Variants in HTR3A observed in about 807,000 individuals in gnomAD.
HTR3A encodes the protein 5-hydroxytryptamine (serotonin) receptor 3A, ionotropic.
HTR3A carries 45 observed loss-of-function variants against 54.8 expected under a neutral mutation model. The ratio of observed to expected loss-of-function variants is 0.82; its 90% CI spans 0.65 to 1.05. The LOEUF (loss-of-function observed/expected upper bound fraction) is 1.05. HTR3A is among the 50% of genes least tolerant of loss of function. The pLI, the probability that HTR3A is intolerant of heterozygous loss-of-function variation, is 0.00. For synonymous variants in HTR3A, 297 were observed against 256.0 expected (o/e 1.16, Z -1.53); for missense variants, 657 against 614.0 (o/e 1.07, Z -0.74).
In HTR3A at chr11:113,989,945, C is replaced by A; in HGVS notation, c.*182C>A. On this transcript the variant is annotated 3_prime_UTR_variant, in exon 9 of 9. Transcript: ENST00000504030. The surrounding 1 kb of genome is among the most constrained non-coding windows in gnomAD (Gnocchi z 4.4). ...TCACAAGCCAAGGTCTGAACCCTTC[C>A]ACCAAAAACTGGGTGTTCAAGGCCC... 1.3e-6 allele frequency: 1 copy of A among 770,568 alleles called. No homozygotes were observed. The highest frequency in any genetic ancestry group is 2.2e-6 in the Non-Finnish European group (1 of 450,042). The allele number at this position is 770,568 out of a possible 1,614,324, so 47.7% of individuals were successfully genotyped here. A position where few individuals can be genotyped will look rare whatever the true frequency, so the allele number is the denominator to read the frequency against.
intron 1 of HTR3A, among the ~76,000 whole-genome samples, chr11:113,975,951 C>T (rs567849304): frequency 3.5e-4 from 53 of 152,298 alleles, no homozygotes; most frequent in South Asian, 1.0e-3. Context: ...CAGGACTAAA[C>T]TCCAGTAACG....
Position 113,981,169 on chromosome 11 carries a change from G to A in HTR3A, c.265-34G>A, listed in dbSNP as rs536095755. ...AGGCGACCCTCACTGGAGATGGAGG[G>A]GGCTGCCTGTGACCATCCCTGCTCC... On this transcript the variant is annotated intron_variant, in intron 3 of 8. Coordinates refer to ENST00000504030, the MANE Select transcript of HTR3A (RefSeq NM_000869.6). 79 of 1,343,616 alleles carry A rather than the reference G, an allele frequency of 5.9e-5. 1 individual carries two copies. In the South Asian group the frequency reaches 8.7e-4, roughly 15 times the overall value. The allele number at this position is 1,343,616 out of a possible 1,614,324, so 83.2% of individuals were successfully genotyped here.
At position 113,981,332 on chromosome 11, in the gene HTR3A, G is replaced by T. The variant is rs752208391; in HGVS notation, c.374+20G>T. ...TGAGTTGTGAGTACCGTTATCCATT[G>T]TGAGGTGGCTGGGTGGCTTAGGAGC... is the stretch of plus-strand genomic sequence containing the variant. On this transcript the variant is annotated intron_variant, in intron 4 of 8. Coordinates refer to ENST00000504030, the MANE Select transcript of HTR3A (RefSeq NM_000869.6). 4.7e-6 allele frequency: 7 copies of T among 1,504,368 alleles called. No individual in the cohort carries two copies. The Middle Eastern group carries it at 5.1e-4, about 110-fold the overall frequency. 93.2% of individuals were successfully genotyped at this position (1,504,368 alleles called of 1,614,324 possible).
In HTR3A at chr11:113,990,080, C is replaced by A. The variant is rs1347238784; in HGVS notation, c.*317C>A. 1.8e-6 allele frequency: 1 copy of A among 546,678 alleles called. No homozygotes were observed. The highest frequency in any genetic ancestry group is 4.6e-5 in the East Asian group (1 of 21,942). The allele number at this position is 546,678 out of a possible 1,614,324, so 33.9% of individuals were successfully genotyped here. ...GTCCACTCTAGTTGTGGACTTTTCCCCATTGACCCTCACCTGAATAAGGGA... is the reference window on the plus strand; with the variant it reads ...GTCCACTCTAGTTGTGGACTTTTCCACATTGACCCTCACCTGAATAAGGGA... On this transcript the variant is annotated 3_prime_UTR_variant, in exon 9 of 9. Transcript: ENST00000504030.
At chr11:113,977,439 C>A in intron 1 of HTR3A, 2 of 1,064,564 alleles carry the variant, frequency 1.9e-6, no homozygotes, top group Non-Finnish European at 2.7e-6. Context: ...CAGAGGCCCT[C>A]GCTTAGGCCC....
intron 6 of HTR3A, 35 bp from the exon 7 acceptor site, chr11:113,986,483 C>T (rs748434197): frequency 3.7e-6 from 6 of 1,607,704 alleles, no homozygotes; most frequent in Non-Finnish European, 4.2e-6. Flanking sequence ...AGCCTGTTTG[C>T]CCCAGGCTTC....
chr11:113,985,193 A>G (rs1033548881), intron 5 of HTR3A, among the ~76,000 whole-genome samples: 4 of 152,186 alleles, frequency 2.6e-5, no homozygotes, highest in Admixed American at 6.5e-5. Flanking sequence ...TGGAAACTAC[A>G]TGGAAATTGC....
chr11:113,984,153 AC>A (rs1454060656), intron 5 of HTR3A, among the ~76,000 whole-genome samples: 2 of 151,666 alleles, frequency 1.3e-5, no homozygotes, highest in Non-Finnish European at 1.5e-5. Context: ...AGCCTGGCCA[AC>A]CCCTCTACTC....
rs750584586 is a variant in HTR3A at position 113,979,219 on chromosome 11, C to T, written c.220-14C>T. The T allele has an allele frequency of 6.2e-7, 1 of 1,612,410 alleles. No homozygotes were observed. The highest frequency in any genetic ancestry group is 8.5e-7 in the Non-Finnish European group (1 of 1,178,776). ...CCACAGGGTTACTTGTTCAAGCTCCCTTTCCTTTCCCAGGATGAGAAGAAT... is the reference window on the plus strand; with the variant it reads ...CCACAGGGTTACTTGTTCAAGCTCCTTTTCCTTTCCCAGGATGAGAAGAAT... On this transcript the variant is annotated splice_polypyrimidine_tract_variant and intron_variant, in intron 2 of 8. Coordinates refer to ENST00000504030, the MANE Select transcript of HTR3A (RefSeq NM_000869.6).
At chr11:113,986,450 T>C (rs1470981911) in intron 6 of HTR3A, 68 bp from the exon 7 acceptor site, 1 of 1,553,490 alleles carries the variant, frequency 6.4e-7, no homozygotes, top group Non-Finnish European at 8.8e-7. Flanking sequence ...AATCTGAGCT[T>C]GTGGGGTGGT....
intron 1 of HTR3A, among the ~76,000 whole-genome samples, chr11:113,976,972 G>A (rs1244413098): frequency 6.6e-6 from 1 of 152,006 alleles, no homozygotes; most frequent in Non-Finnish European, 1.5e-5. Flanking sequence ...ACAGCACCAG[G>A]GTCCAGGAGC....
rs189440773 is a variant in HTR3A at position 113,982,511 on chromosome 11, A to G, written c.375-609A>G. 2.0e-5 allele frequency among the ~76,000 whole-genome samples: 3 copies of G among 152,160 alleles called. No homozygotes were observed. The East Asian group carries it at 5.8e-4, about 29-fold the overall frequency. Reference sequence around the variant, plus strand: ...TCACAGAAGGCTGAGGGCTCAGCCTACTCCATGCCACAGTGGTCACTCAAG... The same window carrying G: ...TCACAGAAGGCTGAGGGCTCAGCCTGCTCCATGCCACAGTGGTCACTCAAG... On this transcript the variant is annotated intron_variant, in intron 4 of 8. Transcript: ENST00000504030.
At chr11:113,978,447 G>C (rs1381039391) in intron 2 of HTR3A, among the ~76,000 whole-genome samples, 1 of 152,140 alleles carries the variant, frequency 6.6e-6, no homozygotes, top group East Asian at 1.9e-4. Context: ...CTCTGTGTTG[G>C]GGTCAGGTAA....
At chr11:113,988,934 A>G (rs1467709441) in intron 8 of HTR3A, among the ~76,000 whole-genome samples, 1 of 152,266 alleles carries the variant, frequency 6.6e-6, no homozygotes, top group African/African-American at 2.4e-5. Flanking sequence ...CGTGATATTA[A>G]TGATCTGGAA....
chr11:113,989,237 C>T lies in HTR3A; in HGVS notation c.1139-228C>T, dbSNP rs1344345561. Among the ~76,000 whole-genome samples the T allele has an allele frequency of 6.6e-6, 1 of 151,172 alleles. No homozygotes were observed. Among genetic ancestry groups the T allele is most frequent in the Non-Finnish European group, 1.5e-5 (1 of 67,908 alleles). ...AATTAGCCAGGTGTAGTGGCACGTG[C>T]CTGTAATCCCAGCTACTTGGGAGGT... is the stretch of plus-strand genomic sequence containing the variant. On this transcript the variant is annotated intron_variant, in intron 8 of 8. Transcript: ENST00000504030. This position sits in a 1 kb window ranked among gnomAD's most constrained non-coding sequence, Gnocchi z 4.4.
At chr11:113,980,533 T>C (rs1565579484) in intron 3 of HTR3A, among the ~76,000 whole-genome samples, 2 of 152,184 alleles carry the variant, frequency 1.3e-5, no homozygotes, top group Admixed American at 1.3e-4. Context: ...AAAATGTACC[T>C]TGGTAAAGAA....
chr11:113,989,705 C>A lies in HTR3A; in HGVS notation c.1379C>A (p.Ala460Glu). 1 of 1,613,790 alleles carries A rather than the reference C, an allele frequency of 6.2e-7. No individual in the cohort carries two copies. Among genetic ancestry groups the A allele is most frequent in the Non-Finnish European group, 8.5e-7 (1 of 1,180,020 alleles). The change falls in exon 9 of 9, where the codon GCG becomes GAG. Residue 460 changes from alanine (A) to glutamate (E), a missense_variant. Ala to Glu is a moderately radical substitution (Grantham distance 107). Transcript: ENST00000504030. The surrounding 1 kb of genome is among the most constrained non-coding windows in gnomAD (Gnocchi z 4.4). ...DKLLFHIYLL[A>E]VLAYSITLVM... is the part of the protein sequence containing the mutation. ...CTGCTATTCCACATTTACCTGCTAG[C>A]GGTGCTGGCCTACAGCATCACCCTG...
intron 6 of HTR3A, 35 bp from the exon 7 acceptor site, chr11:113,986,483 C>A (rs748434197): frequency 3.1e-6 from 5 of 1,607,704 alleles, no homozygotes; most frequent in Non-Finnish European, 4.2e-6. Flanking sequence ...AGCCTGTTTG[C>A]CCCAGGCTTC....
chr11:113,976,592 T>C (rs1030405486), intron 1 of HTR3A, among the ~76,000 whole-genome samples: 4 of 145,916 alleles, frequency 2.7e-5, no homozygotes, highest in Non-Finnish European at 4.5e-5. Flanking sequence ...TGTGTGTGTG[T>C]GTGTGTGTGT....
Sources: allele counts gnomAD v4.1 joint callset (sites outside exome capture counted in the v4.1 genomes callset), GRCh38; gene constraint gnomAD v4.1.1; non-coding constraint Gnocchi (gnomAD v3.1); transcripts MANE v1.5; gene names NCBI Gene and HGNC (gene_info 2026-07-23, HGNC 2026-07-21).